ERC2: variants seen among roughly 807,000 people sequenced by gnomAD.
ERC2 encodes ELKS/RAB6-interacting/CAST family member 2.
A neutral mutation model predicts 114.8 loss-of-function variants in ERC2; 42 were observed. The observed-to-expected ratio is 0.37, with a 90% CI of 0.29 to 0.47. The LOEUF (loss-of-function observed/expected upper bound fraction) is 0.47, where lower values mean the gene tolerates loss of function less well. ERC2 is among the 20% of genes least tolerant of loss of function. ERC2 has a pLI of 0.99. For missense variants in ERC2, 939 were observed against 1,150.7 expected (o/e 0.82, Z 2.66); for synonymous variants, 454 against 425.5 (o/e 1.07, Z -0.82).
intron 17 of ERC2, among the ~76,000 whole-genome samples, chr3:55,671,103 C>A (rs1576047824): frequency 6.6e-6 from 1 of 152,310 alleles, no homozygotes; most frequent in East Asian, 1.9e-4. Context: ...TATCACCTAT[C>A]TGTATGGACA....
At chr3:55,604,398 G>C (rs1268616630) in intron 17 of ERC2, among the ~76,000 whole-genome samples, 1 of 152,018 alleles carries the variant, frequency 6.6e-6, no homozygotes, top group Admixed American at 6.6e-5. Flanking sequence ...GAGTAGCTTA[G>C]GAATATTTTA....
chr3:55,669,302 C>T (rs2061468934), intron 17 of ERC2, among the ~76,000 whole-genome samples: 1 of 152,152 alleles, frequency 6.6e-6, no homozygotes, highest in Non-Finnish European at 1.5e-5. Context: ...CACAAAGAAC[C>T]CATAATCTGC....
intron 17 of ERC2, among the ~76,000 whole-genome samples, chr3:55,564,529 A>G (rs2056238942): frequency 6.6e-6 from 1 of 152,196 alleles, no homozygotes; most frequent in Non-Finnish European, 1.5e-5. Context: ...TTCTTGTGAC[A>G]GAGACACTGC....
chr3:56,234,480 T>C (rs2050816735), intron 3 of ERC2, among the ~76,000 whole-genome samples: 1 of 152,238 alleles, frequency 6.6e-6, no homozygotes, highest in Admixed American at 6.5e-5. Context: ...AGATAAACTA[T>C]TACTAAAGGC....
intron 6 of ERC2, among the ~76,000 whole-genome samples, chr3:56,085,062 A>T (rs1451526163): frequency 6.6e-6 from 1 of 152,104 alleles, no homozygotes; most frequent in Admixed American, 6.6e-5. Context: ...CATCTATAAA[A>T]CCAAGAGGTG....
intron 3 of ERC2, among the ~76,000 whole-genome samples, chr3:56,199,297 A>G (rs1458159695): frequency 6.6e-6 from 1 of 152,140 alleles, no homozygotes; most frequent in Non-Finnish European, 1.5e-5. Context: ...AGGGTGAAAA[A>G]GAACCCAGTG....
At chr3:56,289,276 C>A (rs999121048) in intron 3 of ERC2, among the ~76,000 whole-genome samples, 3 of 152,190 alleles carry the variant, frequency 2.0e-5, no homozygotes, top group African/African-American at 7.2e-5. Flanking sequence ...CAAGGTCCTG[C>A]CTACAGGTGG....
intron 3 of ERC2, among the ~76,000 whole-genome samples, chr3:56,174,280 C>A (rs548654869): frequency 9.2e-5 from 14 of 152,168 alleles, no homozygotes; most frequent in Non-Finnish European, 1.9e-4. Context: ...TGCTTCTCCT[C>A]AAAAGAACAG....
chr3:56,420,959 T>C (rs1201038005), intron 2 of ERC2, among the ~76,000 whole-genome samples: 1 of 151,850 alleles, frequency 6.6e-6, no homozygotes, highest in Non-Finnish European at 1.5e-5. Context: ...GTGGAGACTG[T>C]TTTAATTCCA....
chr3:56,288,069 T>C (rs1373615126), intron 3 of ERC2, among the ~76,000 whole-genome samples: 1 of 152,204 alleles, frequency 6.6e-6, no homozygotes, highest in East Asian at 1.9e-4. Flanking sequence ...AGGCTTTATA[T>C]ACCAAGCCGC....
chr3:55,605,537 G>A (rs142316641), intron 17 of ERC2, among the ~76,000 whole-genome samples: 14 of 152,150 alleles, frequency 9.2e-5, no homozygotes, highest in African/African-American at 3.4e-4. Flanking sequence ...CATTGCATAC[G>A]GAAGTACTCT....
intron 17 of ERC2, among the ~76,000 whole-genome samples, chr3:55,641,593 C>T (rs1156449538): frequency 6.9e-6 from 1 of 144,200 alleles, no homozygotes; most frequent in Non-Finnish European, 1.5e-5. Context: ...AATATACACT[C>T]CTTCCCTTTT....
chr3:55,885,528 A>G (rs1398343998), intron 14 of ERC2, among the ~76,000 whole-genome samples: 1 of 152,220 alleles, frequency 6.6e-6, no homozygotes, highest in Non-Finnish European at 1.5e-5. Context: ...TAACACAGGA[A>G]TTTTGTATTT....
chr3:55,564,358 A>T (rs1368892460), intron 17 of ERC2, among the ~76,000 whole-genome samples: 2 of 152,202 alleles, frequency 1.3e-5, no homozygotes, highest in South Asian at 2.1e-4. Flanking sequence ...CAAAATATTC[A>T]TGCTTCCCTG....
intron 3 of ERC2, among the ~76,000 whole-genome samples, chr3:56,255,705 C>T (rs1406024859): frequency 6.6e-6 from 1 of 152,172 alleles, no homozygotes; most frequent in Non-Finnish European, 1.5e-5. Flanking sequence ...TTTGCAAGTC[C>T]AATCACGTCC....
chr3:55,634,195 A>T (rs113279810), intron 17 of ERC2, among the ~76,000 whole-genome samples: 37 of 152,344 alleles, frequency 2.4e-4, no homozygotes, highest in African/African-American at 8.7e-4. Context: ...AAGACAGTTT[A>T]TAAGAATCTG....
chr3:55,831,426 A>T (rs190381396), intron 14 of ERC2, among the ~76,000 whole-genome samples: 698 of 41,394 alleles, frequency 0.017, 2 homozygotes, highest in African/African-American at 0.046. Flanking sequence ...GGGGAAGGGA[A>T]GGGAAGGGAG....
chr3:55,694,591 A>G (rs1576174127), intron 16 of ERC2, among the ~76,000 whole-genome samples: 1 of 152,224 alleles, frequency 6.6e-6, no homozygotes, highest in South Asian at 2.1e-4. Context: ...TCCAACACCT[A>G]TGAGCGAGTA....
intron 14 of ERC2, among the ~76,000 whole-genome samples, chr3:55,776,306 G>A (rs1366166959): frequency 6.6e-6 from 1 of 152,150 alleles, no homozygotes; most frequent in Non-Finnish European, 1.5e-5. Flanking sequence ...GATAAGGGCA[G>A]AAATGATGGG....
Sources: allele counts gnomAD v4.1 joint callset (sites outside exome capture counted in the v4.1 genomes callset), GRCh38; gene constraint gnomAD v4.1.1; transcripts MANE v1.5; gene names NCBI Gene and HGNC (gene_info 2026-07-23, HGNC 2026-07-21).